The following ARMC2 variants were observed in gnomAD, a reference collection of about 807,000 sequenced individuals.
ARMC2 encodes the protein armadillo repeat-containing protein 2.
ARMC2 carries 67 observed loss-of-function variants against 90.3 expected under a neutral mutation model. The ratio of observed to expected loss-of-function variants is 0.74; its 90% CI spans 0.61 to 0.91. The LOEUF (loss-of-function observed/expected upper bound fraction) is 0.91. ARMC2 is among the 40% of genes least tolerant of loss of function. The pLI is 0.00. For synonymous variants in ARMC2, 393 were observed against 393.0 expected (o/e 1.00, Z 0.00); for missense variants, 920 against 1,030.9 (o/e 0.89, Z 1.47).
intron 11 of ARMC2, among the ~76,000 whole-genome samples, chr6:108,932,852 T>G (rs1230642653): frequency 1.3e-5 from 2 of 152,096 alleles, no homozygotes; most frequent in Non-Finnish European, 2.9e-5. Context: ...TTGTCAGCTT[T>G]GTTGAAGATC....
chr6:108,900,620 T>C (rs1562367837), intron 7 of ARMC2, among the ~76,000 whole-genome samples: 1 of 152,176 alleles, frequency 6.6e-6, no homozygotes, highest in Non-Finnish European at 1.5e-5. Context: ...AGAGATGTGC[T>C]GCAAAAGACC....
intron 3 of ARMC2, among the ~76,000 whole-genome samples, chr6:108,860,459 G>A (rs1276771312): frequency 1.3e-5 from 2 of 151,950 alleles, no homozygotes; most frequent in Non-Finnish European, 2.9e-5. Flanking sequence ...TCAGGAGACC[G>A]AGACCATCCT....
the ARMC2 span, among the ~76,000 whole-genome samples, chr6:109,029,732 A>AC: frequency 1.3e-5 from 2 of 152,018 alleles, no homozygotes; most frequent in East Asian, 3.9e-4. Flanking sequence ...GAGTCTTGCC[A>AC]TGTCGCTCAA....
the ARMC2 span, among the ~76,000 whole-genome samples, chr6:109,029,562 G>A: frequency 6.6e-6 from 1 of 152,030 alleles, no homozygotes; most frequent in South Asian, 2.1e-4. Context: ...TTTAAGATGG[G>A]TTCTTGCTCT....
chr6:109,000,609 C>G, the ARMC2 span: 1 of 1,612,046 alleles, frequency 6.2e-7, no homozygotes, highest in Non-Finnish European at 8.5e-7. Context: ...GGGGTCCCCA[C>G]CAACATGAAG....
At chr6:108,907,667 A>T in intron 8 of ARMC2, 2 of 1,603,544 alleles carry the variant, frequency 1.2e-6, no homozygotes, top group Non-Finnish European at 1.7e-6. Context: ...GGAGTAGCTG[A>T]AGAGCACGTA....
At chr6:108,897,229 A>G (rs1421263982) in intron 6 of ARMC2, among the ~76,000 whole-genome samples, 1 of 152,228 alleles carries the variant, frequency 6.6e-6, no homozygotes, top group African/African-American at 2.4e-5. Context: ...GTGCTGCCGC[A>G]GAAGACCCTA....
At chr6:109,051,702 T>C in the ARMC2 span, among the ~76,000 whole-genome samples, 1 of 152,226 alleles carries the variant, frequency 6.6e-6, no homozygotes, top group Non-Finnish European at 1.5e-5. Flanking sequence ...ACAGAATACC[T>C]GAGACTGGGT....
intron 3 of ARMC2, among the ~76,000 whole-genome samples, chr6:108,866,459 C>A (rs768405257): frequency 6.6e-6 from 1 of 152,152 alleles, no homozygotes; most frequent in African/African-American, 2.4e-5. Context: ...AACAAGCCTG[C>A]GTCAGAGGCT....
chr6:109,036,319 G>A, the ARMC2 span, among the ~76,000 whole-genome samples: 6 of 152,198 alleles, frequency 3.9e-5, no homozygotes, highest in African/African-American at 1.4e-4. Context: ...ATTTGTCTGA[G>A]TGAAAAAGTA....
downstream of ARMC2, among the ~76,000 whole-genome samples, chr6:108,978,791 G>T (rs1016955500): frequency 5.3e-5 from 8 of 150,544 alleles, no homozygotes; most frequent in African/African-American, 1.9e-4. Context: ...TTTAAAGTCT[G>T]TTTTATCAGA....
chr6:109,014,880 T>A, the ARMC2 span, among the ~76,000 whole-genome samples: 2 of 152,184 alleles, frequency 1.3e-5, no homozygotes, highest in Non-Finnish European at 2.9e-5. Flanking sequence ...CTCAAACAAA[T>A]CACACTAATT....
At chr6:108,859,003 T>C (rs1254707023) in intron 3 of ARMC2, among the ~76,000 whole-genome samples, 1 of 152,240 alleles carries the variant, frequency 6.6e-6, no homozygotes, top group African/African-American at 2.4e-5. Context: ...ATAACTTTGG[T>C]TAGATCTGTT....
chr6:108,956,768 G>T (rs1777616385), intron 13 of ARMC2, among the ~76,000 whole-genome samples: 2 of 152,284 alleles, frequency 1.3e-5, no homozygotes, highest in South Asian at 4.1e-4. Context: ...GAGGTGGGCA[G>T]ATCACTTGAG....
the ARMC2 span, among the ~76,000 whole-genome samples, chr6:109,018,698 C>CT: frequency 6.6e-6 from 1 of 152,172 alleles, no homozygotes; most frequent in South Asian, 2.1e-4. Flanking sequence ...ATTTTTTTCA[C>CT]TTTTTTGTTC....
the ARMC2 span, among the ~76,000 whole-genome samples, chr6:109,021,934 A>T: frequency 6.6e-6 from 1 of 152,286 alleles, no homozygotes; most frequent in East Asian, 1.9e-4. Flanking sequence ...ATACACATAT[A>T]CTATATCTAA....
At chr6:108,867,656 A>G (rs1329724524) in intron 3 of ARMC2, among the ~76,000 whole-genome samples, 1 of 152,088 alleles carries the variant, frequency 6.6e-6, no homozygotes. Context: ...CTGTAATCCG[A>G]ACTACTTGGG....
At chr6:109,050,871 G>C in the ARMC2 span, among the ~76,000 whole-genome samples, 2 of 152,168 alleles carry the variant, frequency 1.3e-5, no homozygotes, top group Admixed American at 6.5e-5. Context: ...GCCTAGCAAA[G>C]GAAGGCAAGA....
intron 3 of ARMC2, among the ~76,000 whole-genome samples, chr6:108,859,207 G>A (rs1774961080): frequency 2.6e-5 from 4 of 152,088 alleles, no homozygotes; most frequent in Admixed American, 2.0e-4. Context: ...AGGCACATGA[G>A]GCATTCTATG....
Sources: gnomAD v4.1 joint callset for allele counts (sites outside exome capture counted in the v4.1 genomes callset) on GRCh38, gnomAD v4.1.1 for gene constraint, MANE v1.5 for transcripts, NCBI Gene and HGNC (gene_info 2026-07-23, HGNC 2026-07-21) for gene names.